Variants in ARID4A observed in about 807,000 individuals in gnomAD.
ARID4A encodes the protein AT-rich interactive domain-containing protein 4A.
A neutral mutation model predicts 148.6 loss-of-function variants in ARID4A; 39 were observed. The observed-to-expected ratio is 0.26, with a 90% confidence interval of 0.20 to 0.34. The LOEUF is 0.34. ARID4A is among the 10% of genes least tolerant of loss of function. The probability of loss-of-function intolerance (pLI) is 1.00; values close to 1 mark genes in which losing one functional copy is unlikely to be tolerated. For synonymous variants in ARID4A, 475 were observed against 481.2 expected, an observed-to-expected ratio of 0.99 and a Z score of 0.17; for missense variants, 1,265 against 1,449.1, an observed-to-expected ratio of 0.87 and a Z score of 2.06.
chr14:58,368,794 A>C (rs1293681555), intron 23 of ARID4A, among the ~76,000 whole-genome samples: 3 of 152,202 alleles, frequency 2.0e-5, no homozygotes, highest in Non-Finnish European at 2.9e-5. Context: ...ACATAGCCTG[A>C]AGGTAATTTT....
chr14:58,306,870 T>A (rs1350293347), intron 5 of ARID4A, among the ~76,000 whole-genome samples: 3 of 152,078 alleles, frequency 2.0e-5, no homozygotes, highest in Admixed American at 1.3e-4. Flanking sequence ...CAGAGTGAGA[T>A]TTGGTCTCAA....
intron 15 of ARID4A, among the ~76,000 whole-genome samples, chr14:58,348,629 A>G (rs181317278): frequency 6.6e-6 from 1 of 152,320 alleles, no homozygotes; most frequent in Non-Finnish European, 1.5e-5. Context: ...AGGATTTATC[A>G]AATTTTAGAA....
chr14:58,321,526 A>G (rs2032888653), intron 7 of ARID4A, among the ~76,000 whole-genome samples: 1 of 152,116 alleles, frequency 6.6e-6, no homozygotes, highest in Non-Finnish European at 1.5e-5. Flanking sequence ...TCCTAGGCTC[A>G]TGTTAATTTT....
At chr14:58,362,486 A>T (rs1190419159) in intron 19 of ARID4A, among the ~76,000 whole-genome samples, 1 of 151,614 alleles carries the variant, frequency 6.6e-6, no homozygotes, top group African/African-American at 2.4e-5. Context: ...GCTACTCAGG[A>T]GGCTGAGGTG....
At chr14:58,315,390 G>C (rs1023642572) in intron 5 of ARID4A, among the ~76,000 whole-genome samples, 29 of 152,174 alleles carry the variant, frequency 1.9e-4, no homozygotes, top group African/African-American at 6.3e-4. Context: ...TGTTGAAATT[G>C]TTGAAATTTT....
Position 58,371,971 on chromosome 14 carries a change from T to A in ARID4A, c.3756T>A (p.Leu1252=), listed in dbSNP as rs375518499. Residue 1252 remains leucine, a synonymous_variant, in exon 24 of 24, where the codon CTT becomes CTA. Coordinates refer to ENST00000355431, the MANE Select transcript of ARID4A (RefSeq NM_002892.4). ...PSSSSPPQNV[L]AVECR is the part of the protein sequence containing the mutation. Reference sequence around the variant, plus strand: ...CATCATCTCCCCCACAAAATGTACTTGCTGTAGAATGCAGGTGATAAACAT... The same window carrying A: ...CATCATCTCCCCCACAAAATGTACTAGCTGTAGAATGCAGGTGATAAACAT... 2 of 1,607,950 alleles carry A rather than the reference T, an allele frequency of 1.2e-6. No individual in the cohort carries two copies. The highest frequency in any genetic ancestry group is 1.7e-6 in the Non-Finnish European group (2 of 1,174,582).
intron 5 of ARID4A, among the ~76,000 whole-genome samples, chr14:58,317,430 G>A (rs1404391218): frequency 3.4e-5 from 5 of 147,646 alleles, no homozygotes; most frequent in Non-Finnish European, 6.0e-5. Context: ...GACTACAGGC[G>A]CCCGCCACCA....
chr14:58,347,668 G>A lies in ARID4A; in HGVS notation c.1194G>A (p.Glu398=), dbSNP rs1414947816. 1.2e-6 allele frequency: 2 copies of A among 1,610,562 alleles called. No homozygotes were observed. Among genetic ancestry groups the A allele is most frequent in the Admixed American group, 1.7e-5 (1 of 59,674 alleles). The change falls in exon 15 of 24, where the codon GAG becomes GAA. Residue 398 remains glutamate, a synonymous_variant. Coordinates refer to ENST00000355431, the MANE Select transcript of ARID4A (RefSeq NM_002892.4). ...TTAGGTATCTCTATGGTTTTGAGGA[G>A]TACTGCCGTTCGGCAAATATTCAGT... is the stretch of plus-strand genomic sequence containing the variant. ...AYRKYLYGFE[E]YCRSANIQFR...
chr14:58,332,778 T>G (rs1455753194), intron 11 of ARID4A, among the ~76,000 whole-genome samples: 1 of 152,172 alleles, frequency 6.6e-6, no homozygotes, highest in African/African-American at 2.4e-5. Flanking sequence ...AACGATGCTA[T>G]GCTTTTCGTG....
intron 11 of ARID4A, among the ~76,000 whole-genome samples, chr14:58,343,438 G>A (rs1594930908): frequency 6.6e-6 from 1 of 152,108 alleles, no homozygotes; most frequent in African/African-American, 2.4e-5. Context: ...TCAGCTATTA[G>A]ATAACACAAT....
Position 58,347,741 on chromosome 14 carries a change from G to C in ARID4A, c.1267G>C (p.Asp423His). 6.2e-7 allele frequency: 1 copy of C among 1,613,642 alleles called. No individual in the cohort carries two copies. The highest frequency in any genetic ancestry group is 1.1e-5 in the South Asian group (1 of 91,074). ...ACCAAAAGTAAAAGAGGAAAAAAAA[G>C]ACTTAGAAGAATCAATGGAAGAGGC... The part of the protein sequence containing the change: ...HEPKVKEEKK[D>H]LEESMEEALK... The change falls in exon 15 of 24, where the codon GAC becomes CAC. Residue 423 changes from aspartate to histidine, a missense_variant. Coordinates refer to ENST00000355431, the MANE Select transcript of ARID4A (RefSeq NM_002892.4).
At position 58,310,336 on chromosome 14, in the gene ARID4A, A is replaced by G. The variant is rs576145699; in HGVS notation, c.274+4224A>G. On this transcript the variant is annotated intron_variant, in intron 5 of 23. Transcript: ENST00000355431. ...GCTAAAGCAATCTTGATCAAGAAGA[A>G]CAAAACTGGAGACATACCACCTGAT... 3.3e-5 allele frequency among the ~76,000 whole-genome samples: 5 copies of G among 152,320 alleles called. No homozygotes were observed. The South Asian group carries it at 6.2e-4, about 19-fold the overall frequency.
chr14:58,369,323 G>A (rs983279411), intron 23 of ARID4A, among the ~76,000 whole-genome samples: 1 of 152,102 alleles, frequency 6.6e-6, no homozygotes, highest in Non-Finnish European at 1.5e-5. Context: ...TCAGAATCCT[G>A]TGGATAAAGA....
At chr14:58,319,929 A>G (rs1468660014) in intron 7 of ARID4A, among the ~76,000 whole-genome samples, 1 of 147,752 alleles carries the variant, frequency 6.8e-6, no homozygotes, top group East Asian at 2.0e-4. Context: ...CTCTATATAT[A>G]TACTAATTTT....
At chr14:58,331,995 ACC>A (rs58313316) in intron 11 of ARID4A, among the ~76,000 whole-genome samples, 2,544 of 85,088 alleles carry the variant, frequency 0.03, 59 homozygotes, top group African/African-American at 0.057. Flanking sequence ...CATTTTCCCT[ACC>A]CCCCCCCCCC....
At chr14:58,335,428 C>T (rs1212847347) in intron 11 of ARID4A, among the ~76,000 whole-genome samples, 2 of 151,770 alleles carry the variant, frequency 1.3e-5, no homozygotes, top group Middle Eastern at 3.2e-3. Context: ...ATTCTCCTGC[C>T]TCAGCCTCCC....
intron 5 of ARID4A, among the ~76,000 whole-genome samples, chr14:58,317,351 C>A (rs2032508094): frequency 7.0e-6 from 1 of 143,640 alleles, no homozygotes; most frequent in African/African-American, 2.6e-5. Context: ...GTGGTGCAAT[C>A]TCGGCTCACT....
chr14:58,301,802 T>C, intron 3 of ARID4A, 112 bp downstream of exon 3: 2 of 617,300 alleles, frequency 3.2e-6, no homozygotes, highest in East Asian at 6.2e-5. Flanking sequence ...ACCCTTTATA[T>C]ACCAAACTTA....
chr14:58,332,715 A>G (rs2033598580), intron 11 of ARID4A, among the ~76,000 whole-genome samples: 1 of 152,160 alleles, frequency 6.6e-6, no homozygotes, highest in Non-Finnish European at 1.5e-5. Context: ...ATCACCATGT[A>G]GGTGAGGCTA....
Sources: gnomAD v4.1 joint callset for allele counts (sites outside exome capture counted in the v4.1 genomes callset) on GRCh38, gnomAD v4.1.1 for gene constraint, MANE v1.5 for transcripts, NCBI Gene and HGNC (gene_info 2026-07-23, HGNC 2026-07-21) for gene names.